SEPTIN9: variants seen among roughly 807,000 people sequenced by gnomAD.
SEPTIN9 encodes the protein septin-9.
A neutral mutation model predicts 56.6 loss-of-function variants in SEPTIN9; 13 were observed. That is an observed-to-expected ratio of 0.23 (90% CI 0.15 to 0.37). The LOEUF (loss-of-function observed/expected upper bound fraction) is 0.37, where lower values mean the gene tolerates loss of function less well. Among genes scored for constraint, SEPTIN9 ranks in the 10% least tolerant of loss-of-function variants. The pLI, the probability that SEPTIN9 is intolerant of heterozygous loss-of-function variation, is 1.00. For missense variants in SEPTIN9, 650 were observed against 823.1 expected, an observed-to-expected ratio of 0.79 and a Z score of 2.57; for synonymous variants, 332 against 334.1, an observed-to-expected ratio of 0.99 and a Z score of 0.07.
chr17:77,443,121 G>A lies in SEPTIN9; in HGVS notation c.722-39023G>A, dbSNP rs191088601. 1.7e-3 allele frequency among the ~76,000 whole-genome samples: 260 copies of A among 152,280 alleles called. 2 individuals are homozygous for A. The highest frequency in any genetic ancestry group is 0.017 in the Middle Eastern group (5 of 294). ...CAAAAGCACATATTATGGGCTGGGT[G>A]CAATGTGCCCAGTGCAGGAGGCAGA... On this transcript the variant is annotated intron_variant, in intron 3 of 11. Coordinates refer to ENST00000427177, the MANE Select transcript of SEPTIN9 (RefSeq NM_001113491.2).
At chr17:77,306,411 C>T (rs996156589) in intron 1 of SEPTIN9, among the ~76,000 whole-genome samples, 7 of 152,258 alleles carry the variant, frequency 4.6e-5, no homozygotes, top group Middle Eastern at 3.4e-3. Context: ...GGCAGCCTTT[C>T]GGGTTTGCTT....
At chr17:77,460,171 C>T (rs182844006) in intron 3 of SEPTIN9, among the ~76,000 whole-genome samples, 4 of 151,744 alleles carry the variant, frequency 2.6e-5, no homozygotes, top group South Asian at 2.1e-4. Context: ...CCTCTCTGTG[C>T]GTGCGTCAGT....
chr17:77,368,833 G>T (rs377065729), intron 2 of SEPTIN9, among the ~76,000 whole-genome samples: 1 of 152,060 alleles, frequency 6.6e-6, no homozygotes, highest in Admixed American at 6.6e-5. Context: ...TTTAACTATT[G>T]TCTGTCCTGT....
chr17:77,472,873 C>T (rs2039060606), intron 3 of SEPTIN9: 1 of 152,192 alleles, frequency 6.6e-6, no homozygotes, highest in African/African-American at 2.4e-5. Flanking sequence ...AAATTCAGTC[C>T]TTGATCCCCC....
At chr17:77,488,392 C>T in intron 6 of SEPTIN9, 71 bp downstream of exon 6, 1 of 1,432,970 alleles carries the variant, frequency 7.0e-7, no homozygotes, top group Non-Finnish European at 9.8e-7. Flanking sequence ...CAGAGTCAGC[C>T]CTAGAGGTTT....
At chr17:77,355,837 C>G (rs1346998458) in intron 2 of SEPTIN9, among the ~76,000 whole-genome samples, 19 of 150,138 alleles carry the variant, frequency 1.3e-4, no homozygotes, top group South Asian at 2.1e-4. Context: ...AAAAAATTAG[C>G]CGGGCGTGGT....
intron 2 of SEPTIN9, among the ~76,000 whole-genome samples, chr17:77,350,389 T>C (rs552555902): frequency 7.2e-5 from 11 of 152,278 alleles, no homozygotes; most frequent in African/African-American, 2.2e-4. Context: ...TGGTCCTAGC[T>C]GGGGGGCTAC....
chr17:77,485,705 G>A (rs1421443339), intron 4 of SEPTIN9, among the ~76,000 whole-genome samples: 2 of 151,990 alleles, frequency 1.3e-5, no homozygotes, highest in Admixed American at 6.5e-5. Flanking sequence ...AGAGATGGAC[G>A]AGGAGTGTCC....
At chr17:77,362,915 G>T (rs1382879080) in intron 2 of SEPTIN9, among the ~76,000 whole-genome samples, 1 of 152,250 alleles carries the variant, frequency 6.6e-6, no homozygotes, top group Non-Finnish European at 1.5e-5. Context: ...TCAGGCCAGG[G>T]AGGGTGTGAG....
At position 77,475,798 on chromosome 17, in the gene SEPTIN9, C is replaced by T; in HGVS notation, c.722-6346C>T. 6.2e-7 allele frequency: 1 copy of T among 1,613,442 alleles called. No individual in the cohort carries two copies. On this transcript the variant is annotated intron_variant, in intron 3 of 11. Transcript: ENST00000427177. The surrounding 1 kb of genome is among the most constrained non-coding windows in gnomAD (Gnocchi z 4.6). Reference sequence around the variant, plus strand: ...AAGGCTGACAGGGTGTGGTGAGTGCCACCGGCTCCCCTGCCGTGGCCTGGT... The same window carrying T: ...AAGGCTGACAGGGTGTGGTGAGTGCTACCGGCTCCCCTGCCGTGGCCTGGT...
chr17:77,492,900 G>A lies in SEPTIN9; in HGVS notation c.1477-80G>A. On this transcript the variant is annotated intron_variant, in intron 9 of 11. Transcript: ENST00000427177. This position sits in a 1 kb window ranked among gnomAD's most constrained non-coding sequence, Gnocchi z 5.4. ...TCGTTTTTGGGGGACCCCAGGCTCA[G>A]GGCAGCTCCTCCCGGGGGCCCAGGG... 1 of 1,387,598 alleles carries A rather than the reference G, an allele frequency of 7.2e-7. No individual in the cohort carries two copies. The highest frequency in any genetic ancestry group is 1.2e-5 in the South Asian group (1 of 82,704). The allele number at this position is 1,387,598 out of a possible 1,614,324, so 86.0% of individuals were successfully genotyped here.
At chr17:77,359,891 G>T (rs953530909) in intron 2 of SEPTIN9, among the ~76,000 whole-genome samples, 1 of 152,118 alleles carries the variant, frequency 6.6e-6, no homozygotes, top group East Asian at 1.9e-4. Flanking sequence ...CCGGGTGGGC[G>T]CAGTGGCTCA....
At chr17:77,479,743 C>T (rs1043419152) in intron 3 of SEPTIN9, among the ~76,000 whole-genome samples, 2 of 151,854 alleles carry the variant, frequency 1.3e-5, no homozygotes, top group African/African-American at 4.8e-5. Context: ...AGCGCCTCCC[C>T]CCAGGTCCTG....
At chr17:77,413,033 G>C (rs1176237719) in intron 3 of SEPTIN9, among the ~76,000 whole-genome samples, 1 of 152,012 alleles carries the variant, frequency 6.6e-6, no homozygotes, top group East Asian at 1.9e-4. Flanking sequence ...CGAGGTAGGG[G>C]TAGATGGTAT....
chr17:77,303,150 G>C (rs931997167), intron 1 of SEPTIN9, among the ~76,000 whole-genome samples: 1 of 151,876 alleles, frequency 6.6e-6, no homozygotes, highest in Non-Finnish European at 1.5e-5. Flanking sequence ...GCCCAGGCTG[G>C]AGTGCAATGG....
intron 2 of SEPTIN9, among the ~76,000 whole-genome samples, chr17:77,341,022 C>G (rs529613642): frequency 2.0e-5 from 3 of 152,332 alleles, no homozygotes; most frequent in African/African-American, 7.2e-5. Flanking sequence ...GATCTTCTAT[C>G]CAGACCACTC....
intron 3 of SEPTIN9, chr17:77,428,957 G>T (rs1188062589): frequency 2.2e-6 from 1 of 457,084 alleles, no homozygotes; most frequent in South Asian, 1.6e-5. Flanking sequence ...ACATGTCACA[G>T]CCCTGGTTAT....
intron 2 of SEPTIN9, among the ~76,000 whole-genome samples, chr17:77,311,404 C>T (rs544853976): frequency 2.6e-5 from 4 of 152,272 alleles, no homozygotes; most frequent in South Asian, 4.1e-4. Flanking sequence ...TGTGGATGGA[C>T]GACCCCGCCC....
chr17:77,498,077 C>A (rs2040349144), intron 11 of SEPTIN9, among the ~76,000 whole-genome samples: 1 of 151,662 alleles, frequency 6.6e-6, no homozygotes, highest in Non-Finnish European at 1.5e-5. Context: ...AAGGGCAACC[C>A]AGCCCTTTGC....
Sources: allele counts gnomAD v4.1 joint callset (sites outside exome capture counted in the v4.1 genomes callset), GRCh38; gene constraint gnomAD v4.1.1; non-coding constraint Gnocchi (gnomAD v3.1); transcripts MANE v1.5; gene names NCBI Gene and HGNC (gene_info 2026-07-23, HGNC 2026-07-21).